COQ8B: variants seen among roughly 807,000 people sequenced by gnomAD.
COQ8B encodes the protein atypical kinase COQ8B, mitochondrial.
A neutral mutation model predicts 62.0 loss-of-function variants in COQ8B; 44 were observed. The observed-to-expected ratio is 0.71, with a 90% CI of 0.56 to 0.91. The LOEUF is 0.91. Among genes scored for constraint, COQ8B ranks in the 40% least tolerant of loss-of-function variants. The pLI, the probability that COQ8B is intolerant of heterozygous loss-of-function variation, is 0.00. For synonymous variants in COQ8B, 252 were observed against 289.9 expected (o/e 0.87, Z 1.33); for missense variants, 649 against 731.6 (o/e 0.89, Z 1.30).
rs1214409650 is a variant in COQ8B at position 40,696,062 on chromosome 19, C to T, written c.1144-8G>A. 2 of 1,613,746 alleles carry T rather than the reference C, an allele frequency of 1.2e-6. No homozygotes were observed. The highest frequency in any genetic ancestry group is 2.7e-5 in the African/African-American group (2 of 74,860). On this transcript the variant is annotated splice_polypyrimidine_tract_variant and splice_region_variant and intron_variant, in intron 12 of 14. Transcript: ENST00000324464. ...AAAGTCCAGCAGGGTCACCTGGAAG[C>T]AAGGAATGGTGAAAGGAATGCTGGG...
chr19:40,702,474 A>G, intron 10 of COQ8B, 126 bp downstream of exon 10: 2 of 890,736 alleles, frequency 2.2e-6, no homozygotes, highest in Admixed American at 1.7e-5. Context: ...ATGGATGAAC[A>G]ATGATTGAAA....
intron 5 of COQ8B, among the ~76,000 whole-genome samples, chr19:40,709,068 C>T (rs1241312765): frequency 6.6e-6 from 1 of 152,192 alleles, no homozygotes; most frequent in Non-Finnish European, 1.5e-5. Flanking sequence ...TGCGTGTACC[C>T]ACACACTTAC....
chr19:40,711,926 A>T (rs1432299343), intron 4 of COQ8B, among the ~76,000 whole-genome samples: 2 of 152,228 alleles, frequency 1.3e-5, no homozygotes, highest in East Asian at 3.8e-4. Flanking sequence ...AGGACACAGC[A>T]GAGTCATCCC....
chr19:40,695,535 C>A (rs2082008282), intron 13 of COQ8B, among the ~76,000 whole-genome samples: 1 of 152,066 alleles, frequency 6.6e-6, no homozygotes, highest in South Asian at 2.1e-4. Flanking sequence ...CAGGGACACA[C>A]ACCTGGGCTG....
At chr19:40,705,632 C>T (rs1386595859) in intron 5 of COQ8B, among the ~76,000 whole-genome samples, 185 bp from the exon 6 acceptor site, 1 of 152,174 alleles carries the variant, frequency 6.6e-6, no homozygotes, top group East Asian at 1.9e-4. Flanking sequence ...CATCTGCACA[C>T]CAACAGGAAT....
intron 12 of COQ8B, among the ~76,000 whole-genome samples, chr19:40,697,753 G>A (rs1253166358): frequency 6.7e-6 from 1 of 148,720 alleles, no homozygotes; most frequent in Non-Finnish European, 1.5e-5. Flanking sequence ...TCGAGATTGT[G>A]CCACTGCACT....
chr19:40,695,860 G>T, intron 13 of COQ8B, 129 bp downstream of exon 13: 1 of 955,826 alleles, frequency 1.0e-6, no homozygotes, highest in Non-Finnish European at 1.7e-6. Context: ...TGTGCTAGTT[G>T]CTACGAGTAT....
rs2082129360 is a variant in COQ8B, at chr19:40,710,116, G to A, written c.310C>T (p.Leu104=). ...TTAGCCATCTCGGCCAGTACTCCTA[G>A]CCCCAAGCCCACAGCCAGTCCTGGA... ...NFGGLAVGLG[L]GVLAEMAKKS... is the part of the protein sequence containing the mutation. The change falls in exon 5 of 15, where the codon CTA becomes TTA. Residue 104 remains leucine (L), a synonymous_variant. Coordinates refer to ENST00000324464, the MANE Select transcript of COQ8B (RefSeq NM_024876.4). 6.2e-7 allele frequency: 1 copy of A among 1,613,950 alleles called. No individual in the cohort carries two copies. The highest frequency in any genetic ancestry group is 8.5e-7 in the Non-Finnish European group (1 of 1,179,962).
rs7254842 is a variant in COQ8B, at chr19:40,712,980, G to A, written c.289+1087C>T. Among the ~76,000 whole-genome samples the A allele has an allele frequency of 1.9e-3, 285 of 152,368 alleles. 3 individuals are homozygous for A. The highest frequency in any genetic ancestry group is 6.7e-3 in the African/African-American group (278 of 41,588). On this transcript the variant is annotated intron_variant, in intron 4 of 14. Transcript: ENST00000324464. ...TAGAACCCCAGCACTTCGGGAGGCC[G>A]AGGCAGGAGGATCGCTTGAGACCAA...
chr19:40,697,877 G>GAGAGAGAGAGAGAGAGAGAGAGA (rs2082031165), intron 12 of COQ8B, among the ~76,000 whole-genome samples: 1 of 143,486 alleles, frequency 7.0e-6, no homozygotes, highest in African/African-American at 2.6e-5. Flanking sequence ...GAGAGAGAGA[G>GAGAGAGAGAGAGAGAGAGAGAGA]TTTCTACTGG....
At chr19:40,705,268 G>A (rs958246266) in intron 6 of COQ8B, 57 bp downstream of exon 6, 2 of 1,587,664 alleles carry the variant, frequency 1.3e-6, no homozygotes, top group South Asian at 1.1e-5. Flanking sequence ...GCCTGTTGGT[G>A]GGTAGGGCTG....
At chr19:40,700,003 G>A (rs2082048782) in intron 12 of COQ8B, 64 bp downstream of exon 12, 10 of 1,486,690 alleles carry the variant, frequency 6.7e-6, no homozygotes, top group South Asian at 2.3e-5. Context: ...TTGAGCTACC[G>A]AAATATCAAG....
intron 5 of COQ8B, among the ~76,000 whole-genome samples, chr19:40,709,198 C>T (rs998423501): frequency 2.8e-4 from 42 of 152,326 alleles, no homozygotes; most frequent in African/African-American, 9.9e-4. Flanking sequence ...AACACCAATT[C>T]CTTAACATCT....
Position 40,693,005 on chromosome 19 carries a change from GTC to G in COQ8B, c.1240_1241del (p.Asp414LeufsTer16). 1 of 1,613,988 alleles carries G rather than the reference GTC, an allele frequency of 6.2e-7. No individual in the cohort carries two copies. Among genetic ancestry groups the G allele is most frequent in the Non-Finnish European group, 8.5e-7 (1 of 1,179,926 alleles). ...GGTCCCTGGACTTCTGCAGGACACA[GTC>G]TCTGTCTCCATCAGCTGCAGCCTTC... The part of the protein sequence containing the change: ...VVKAAADGDR[D>X]CVLQKSRDLK... On this transcript the variant is annotated frameshift_variant, in exon 14 of 15. Transcript: ENST00000324464. LOFTEE classifies it high-confidence loss of function.
rs780464841 is a variant in COQ8B at position 40,714,390 on chromosome 19, C to T, written c.110G>A (p.Cys37Tyr). 6.2e-7 allele frequency: 1 copy of T among 1,613,888 alleles called. No homozygotes were observed. Among genetic ancestry groups the T allele is most frequent in the Non-Finnish European group, 8.5e-7 (1 of 1,179,920 alleles). ...LGPGPHRWGP[C>Y]GGSWAQKFYQ... ...AAACTTTTGGGCCCAAGAACCTCCA[C>T]ATGGTCCCTGCAAGAGATATACTTT... Residue 37 changes from cysteine (C) to tyrosine (Y), a missense_variant, in exon 3 of 15, where the codon TGT becomes TAT. Coordinates refer to ENST00000324464, the MANE Select transcript of COQ8B (RefSeq NM_024876.4).
chr19:40,716,814 GGGGGCCCACTGGCGCGCCACCAGGACCCC>G lies in COQ8B; in HGVS notation c.-260_-232del, dbSNP rs2082188409. The stretch of plus-strand genomic sequence containing the variant: ...TGGTTTAGTCACAGGGGTGGAGGGA[GGGGGCCCACTGGCGCGCCACCAGGACCCC>G]GGTGCCCTAGATGCATACCTGGCCG... On this transcript the variant is annotated 5_prime_UTR_variant, in exon 1 of 15. The change creates a premature stop within an existing upstream ORF in the 5' untranslated region. Transcript: ENST00000324464. The G allele has an allele frequency of 5.7e-6, 1 of 176,784 alleles. No homozygotes were observed. Among genetic ancestry groups the G allele is most frequent in the South Asian group, 2.0e-4 (1 of 5,064 alleles). 11.0% of individuals were successfully genotyped at this position (176,784 alleles called of 1,614,324 possible). A position where few individuals can be genotyped will look rare whatever the true frequency, so the allele number is the denominator to read the frequency against.
chr19:40,703,452 C>A (rs188268644), intron 9 of COQ8B, 89 bp downstream of exon 9: 22 of 1,336,894 alleles, frequency 1.6e-5, no homozygotes, highest in Non-Finnish European at 2.1e-5. Flanking sequence ...ACACCCTGCC[C>A]GTGCTCTCCT....
At chr19:40,714,682 C>T in intron 1 of COQ8B, 47 bp from the exon 2 acceptor site, 26 of 1,489,516 alleles carry the variant, frequency 1.7e-5, no homozygotes, top group Non-Finnish European at 2.4e-5. Context: ...TGCCTGGCTT[C>T]TTGGCCAGGC....
At chr19:40,701,394 T>C (rs181340888) in intron 10 of COQ8B, 5 of 152,356 alleles carry the variant, frequency 3.3e-5, no homozygotes, top group Admixed American at 2.6e-4. Flanking sequence ...AGGTCTCTGG[T>C]TGAGGATCCG....
Sources: gnomAD v4.1 joint callset for allele counts (sites outside exome capture counted in the v4.1 genomes callset) on GRCh38, gnomAD v4.1.1 for gene constraint, MANE v1.5 for transcripts, NCBI Gene and HGNC (gene_info 2026-07-23, HGNC 2026-07-21) for gene names.